CDC42BPA: variants seen among roughly 807,000 people sequenced by gnomAD.
The protein encoded by CDC42BPA is CDC42 binding protein kinase alpha.
A neutral mutation model predicts 223.5 loss-of-function variants in CDC42BPA; 80 were observed. The observed-to-expected ratio is 0.36, with a 90% CI of 0.30 to 0.43. The LOEUF (loss-of-function observed/expected upper bound fraction) is 0.43. Ranked by LOEUF, CDC42BPA falls within the 20% of genes least tolerant of loss-of-function variation. The probability of loss-of-function intolerance (pLI) is 1.00; values close to 1 mark genes in which losing one functional copy is unlikely to be tolerated. For synonymous variants in CDC42BPA, 694 were observed against 718.6 expected (o/e 0.97, Z 0.55); for missense variants, 1,743 against 2,099.9 (o/e 0.83, Z 3.32).
intron 34 of CDC42BPA, among the ~76,000 whole-genome samples, chr1:227,008,533 G>C (rs1664548543): frequency 6.6e-6 from 1 of 152,166 alleles, no homozygotes; most frequent in African/African-American, 2.4e-5. Context: ...TGAGTTCCCA[G>C]TTGCCATGCA....
At position 226,998,924 on chromosome 1, in the gene CDC42BPA, A is replaced by T. The variant is rs543301348; in HGVS notation, c.4976-3944T>A. ...GACAAAGGGCTAATATCCAGAATCT[A>T]CAAGGAACTTAAACAAATTTACAAG... On this transcript the variant is annotated intron_variant, in intron 35 of 36. Coordinates refer to ENST00000366766, the MANE Select transcript of CDC42BPA (RefSeq NM_001394014.1). 2.2e-4 allele frequency among the ~76,000 whole-genome samples: 34 copies of T among 152,342 alleles called. No individual in the cohort carries two copies. The South Asian group carries it at 2.5e-3, about 11-fold the overall frequency.
chr1:227,200,123 A>G (rs1410234074), intron 3 of CDC42BPA, among the ~76,000 whole-genome samples: 1 of 70,696 alleles, frequency 1.4e-5, no homozygotes, highest in African/African-American at 4.6e-5. Context: ...TACAAACAAC[A>G]GATTTGTGTT....
intron 14 of CDC42BPA, among the ~76,000 whole-genome samples, chr1:227,110,663 T>C (rs1686767042): frequency 1.3e-5 from 2 of 152,172 alleles, no homozygotes; most frequent in South Asian, 2.1e-4. Flanking sequence ...AGAATAGTGC[T>C]GGAAACAAAG....
At chr1:227,284,621 T>C (rs538278376) in intron 1 of CDC42BPA, among the ~76,000 whole-genome samples, 2 of 152,324 alleles carry the variant, frequency 1.3e-5, no homozygotes, top group Non-Finnish European at 2.9e-5. Flanking sequence ...CAACATTTGA[T>C]TGCATTTTTC....
chr1:227,101,716 T>C (rs1685085333), intron 14 of CDC42BPA, among the ~76,000 whole-genome samples: 4 of 152,140 alleles, frequency 2.6e-5, no homozygotes, highest in Non-Finnish European at 5.9e-5. Context: ...CAGAAACCTT[T>C]TGCAATAGTC....
intron 1 of CDC42BPA, among the ~76,000 whole-genome samples, chr1:227,260,677 G>T (rs1193265371): frequency 1.3e-5 from 2 of 151,168 alleles, no homozygotes; most frequent in East Asian, 1.9e-4. Flanking sequence ...AACAGAGAGT[G>T]CTGGAGCAAG....
chr1:227,244,665 C>A (rs982561669), intron 2 of CDC42BPA, among the ~76,000 whole-genome samples: 1 of 152,172 alleles, frequency 6.6e-6, no homozygotes, highest in Non-Finnish European at 1.5e-5. Flanking sequence ...CATGCTGGAA[C>A]AGCAAATTTT....
At chr1:227,245,689 G>T (rs1418431952) in intron 2 of CDC42BPA, among the ~76,000 whole-genome samples, 2 of 152,154 alleles carry the variant, frequency 1.3e-5, no homozygotes, top group Non-Finnish European at 2.9e-5. Flanking sequence ...GCTCCCCAAT[G>T]ATATTTCTAG....
In CDC42BPA at chr1:227,160,604, A is replaced by C. The variant is rs148839966; in HGVS notation, c.632T>G (p.Met211Arg). Residue 211 changes from methionine to arginine, a missense_variant, in exon 6 of 37, where the codon ATG becomes AGG. By Grantham distance (91) the Met-to-Arg change is moderately conservative (BLOSUM62 -1). Transcript: ENST00000366766. The part of the protein sequence containing the change: ...DIKPDNILMD[M>R]NGHIRLADFG... ...ATCTGCTAACCGAATATGTCCATTC[A>C]TATCCATCAGTATATTGTCAGGTTT... 4 of 1,606,942 alleles carry C rather than the reference A, an allele frequency of 2.5e-6. No individual in the cohort carries two copies. The highest frequency in any genetic ancestry group is 3.3e-5 in the Admixed American group (2 of 59,910).
intron 4 of CDC42BPA, among the ~76,000 whole-genome samples, chr1:227,198,932 T>C (rs1671248506): frequency 6.6e-6 from 1 of 152,106 alleles, no homozygotes; most frequent in Non-Finnish European, 1.5e-5. Flanking sequence ...GTATTTTTAG[T>C]AGAGACGGGG....
intron 24 of CDC42BPA, among the ~76,000 whole-genome samples, chr1:227,036,925 G>A (rs1048944201): frequency 6.6e-6 from 1 of 152,148 alleles, no homozygotes; most frequent in African/African-American, 2.4e-5. Flanking sequence ...GCAGACAAAG[G>A]CTAGGAACAG....
chr1:227,159,012 G>C (rs968804135), intron 6 of CDC42BPA, among the ~76,000 whole-genome samples: 1 of 152,106 alleles, frequency 6.6e-6, no homozygotes, highest in African/African-American at 2.4e-5. Flanking sequence ...ATTTATGTCA[G>C]GGATAATAGT....
At chr1:227,314,266 T>G (rs1003766032) in intron 1 of CDC42BPA, among the ~76,000 whole-genome samples, 1 of 152,096 alleles carries the variant, frequency 6.6e-6, no homozygotes, top group Admixed American at 6.5e-5. Flanking sequence ...ACAAAAAACA[T>G]AGTCTTTCAA....
rs896180864 is a variant in CDC42BPA at position 226,993,875 on chromosome 1, A to T, written c.*393T>A. 6.2e-6 allele frequency: 1 copy of T among 161,860 alleles called. No homozygotes were observed. Among genetic ancestry groups the T allele is most frequent in the Non-Finnish European group, 1.4e-5 (1 of 73,262 alleles). The allele number at this position is 161,860 out of a possible 1,614,324, so 10.0% of individuals were successfully genotyped here. ...GACCAATTCTCCCTTCTGGATGCGG[A>T]GAAGCCCATGAGCTATTTTAGGACT... On this transcript the variant is annotated 3_prime_UTR_variant, in exon 37 of 37. Transcript: ENST00000366766.
chr1:227,221,824 G>A (rs543830877), intron 2 of CDC42BPA, among the ~76,000 whole-genome samples: 27 of 151,446 alleles, frequency 1.8e-4, no homozygotes, highest in African/African-American at 6.3e-4. Context: ...TCTTCTCTAG[G>A]TCACAGAAAC....
At chr1:227,118,432 A>T (rs1007608403) in intron 12 of CDC42BPA, among the ~76,000 whole-genome samples, 2 of 152,140 alleles carry the variant, frequency 1.3e-5, no homozygotes, top group Non-Finnish European at 2.9e-5. Flanking sequence ...GTGGAGAAAA[A>T]TCATTTTCTA....
chr1:227,291,708 T>C (rs1428812936), intron 1 of CDC42BPA, among the ~76,000 whole-genome samples: 1 of 150,662 alleles, frequency 6.6e-6, no homozygotes, highest in African/African-American at 2.4e-5. Flanking sequence ...AAACTTTCCA[T>C]ATTCTTCAAA....
rs919729901 is a variant in CDC42BPA at position 226,994,610 on chromosome 1, T to C, written c.5134-211A>G. 4.6e-5 allele frequency among the ~76,000 whole-genome samples: 7 copies of C among 152,140 alleles called. No homozygotes were observed. The highest frequency in any genetic ancestry group is 2.0e-4 in the Admixed American group (3 of 15,272). ...CTGTAGGCCTTTACAGATGATGGTA[T>C]TTTCACACAAAAGCCAGAAGTCTGA... On this transcript the variant is annotated intron_variant, in intron 36 of 36. Transcript: ENST00000366766. This position sits in a 1 kb window ranked among gnomAD's most constrained non-coding sequence, Gnocchi z 4.0.
chr1:227,011,768 A>G (rs1486060205), intron 34 of CDC42BPA, among the ~76,000 whole-genome samples: 1 of 152,224 alleles, frequency 6.6e-6, no homozygotes, highest in African/African-American at 2.4e-5. Context: ...CTATTTTTAG[A>G]GATAAAAGAA....
Sources: allele counts gnomAD v4.1 joint callset (sites outside exome capture counted in the v4.1 genomes callset), GRCh38; gene constraint gnomAD v4.1.1; non-coding constraint Gnocchi (gnomAD v3.1); transcripts MANE v1.5; gene names NCBI Gene and HGNC (gene_info 2026-07-23, HGNC 2026-07-21).